The following SEMA4C variants were observed in gnomAD, a reference collection of about 807,000 sequenced individuals.
SEMA4C encodes the protein semaphorin-4C.
Under a neutral mutation model 89.0 loss-of-function variants are expected in SEMA4C, and 19 were observed. The ratio of observed to expected loss-of-function variants is 0.21; its 90% CI spans 0.15 to 0.31. SEMA4C has a LOEUF of 0.31. Ranked by LOEUF, SEMA4C falls within the 10% of genes least tolerant of loss-of-function variation. The pLI, the probability that SEMA4C is intolerant of heterozygous loss-of-function variation, is 1.00. For missense variants in SEMA4C, 811 were observed against 1,107.0 expected (o/e 0.73, Z 3.79); for synonymous variants, 428 against 472.7 (o/e 0.91, Z 1.23).
chr2:96,870,577 T>C (rs908402761), upstream of SEMA4C: 1 of 985,378 alleles, frequency 1.0e-6, no homozygotes, highest in African/African-American at 1.7e-5. Flanking sequence ...TGCCTCTTTC[T>C]AGGCCCCGAG....
Position 96,860,350 on chromosome 2 carries a change from A to G in SEMA4C, c.*276T>C, listed in dbSNP as rs572764347. 2.2e-5 allele frequency: 11 copies of G among 494,976 alleles called. No homozygotes were observed. Among genetic ancestry groups the G allele is most frequent in the African/African-American group, 1.7e-4 (9 of 51,954 alleles). 30.7% of individuals were successfully genotyped at this position (494,976 alleles called of 1,614,324 possible). A position where few individuals can be genotyped will look rare whatever the true frequency, so the allele number is the denominator to read the frequency against. On this transcript the variant is annotated 3_prime_UTR_variant, in exon 15 of 15. Coordinates refer to ENST00000305476, the MANE Select transcript of SEMA4C (RefSeq NM_017789.5). ...AATACAGACAAACACACATCTTGAA[A>G]CTTCTGCCTTGAAAAGTTTTGGCGG...
rs757029766 is a variant in SEMA4C, at chr2:96,860,599, T to C, written c.*27A>G. 16 of 1,563,210 alleles carry C rather than the reference T, an allele frequency of 1.0e-5. No individual in the cohort carries two copies. The Admixed American group carries it at 2.9e-4, about 29-fold the overall frequency. ...AAAGTAGGAGCTACACCTCCCACGC[T>C]TCCCGCCGACGCGGTGGGGGTTCCC... is the stretch of plus-strand genomic sequence containing the variant. On this transcript the variant is annotated 3_prime_UTR_variant, in exon 15 of 15. Transcript: ENST00000305476.
In SEMA4C at chr2:96,860,319, T is replaced by G; in HGVS notation, c.*307A>C. On this transcript the variant is annotated 3_prime_UTR_variant, in exon 15 of 15. Transcript: ENST00000305476. ...ACACATACACACACACACAAACACATGTGCAAATACAGACAAACACACATC... is the reference window on the plus strand; with the variant it reads ...ACACATACACACACACACAAACACAGGTGCAAATACAGACAAACACACATC... 1 of 427,692 alleles carries G rather than the reference T, an allele frequency of 2.3e-6. No individual in the cohort carries two copies. 26.5% of individuals were successfully genotyped at this position (427,692 alleles called of 1,614,324 possible).
chr2:96,861,996 G>C lies in SEMA4C; in HGVS notation c.1444-102C>G, dbSNP rs1317277102. 7.8e-7 allele frequency: 1 copy of C among 1,289,854 alleles called. No individual in the cohort carries two copies. Among genetic ancestry groups the C allele is most frequent in the African/African-American group, 1.5e-5 (1 of 68,118 alleles). The allele number at this position is 1,289,854 out of a possible 1,614,324, so 79.9% of individuals were successfully genotyped here. Reference sequence around the variant, plus strand: ...CATGGGGACAGCTTGGACTCCTGCAGGGGGCACAGCACGGGGCGCCAGAAG... The same window carrying C: ...CATGGGGACAGCTTGGACTCCTGCACGGGGCACAGCACGGGGCGCCAGAAG... On this transcript the variant is annotated intron_variant, in intron 12 of 14. Coordinates refer to ENST00000305476, the MANE Select transcript of SEMA4C (RefSeq NM_017789.5). The surrounding 1 kb of genome is among the most constrained non-coding windows in gnomAD (Gnocchi z 7.8).
intron 2 of SEMA4C, 59 bp from the exon 3 acceptor site, chr2:96,866,490 T>A (rs1234338889): frequency 1.2e-6 from 2 of 1,611,070 alleles, no homozygotes; most frequent in Non-Finnish European, 1.7e-6. Flanking sequence ...CAGCCCTCAG[T>A]CTTGCTCCAC....
chr2:96,861,361 G>A lies in SEMA4C; in HGVS notation c.1767C>T (p.Thr589=). The change falls in exon 15 of 15, where the codon ACC becomes ACT. Residue 589 remains threonine (T), a synonymous_variant. Coordinates refer to ENST00000305476, the MANE Select transcript of SEMA4C (RefSeq NM_017789.5). This position sits in a 1 kb window ranked among gnomAD's most constrained non-coding sequence, Gnocchi z 7.8. ...LSSNLAHARW[T]FGGRDLPAEQ... ...CCGCAGGCAGGTCCCGGCCCCCAAA[G>A]GTCCAGCGGGCATGGGCCAAGTTGG... is the stretch of plus-strand genomic sequence containing the variant. The A allele has an allele frequency of 6.2e-7, 1 of 1,608,254 alleles. No individual in the cohort carries two copies. Among genetic ancestry groups the A allele is most frequent in the Non-Finnish European group, 8.5e-7 (1 of 1,179,996 alleles).
At position 96,861,550 on chromosome 2, in the gene SEMA4C, C is replaced by T. The variant is rs1292227860; in HGVS notation, c.1672+29G>A. The T allele has an allele frequency of 1.9e-6, 3 of 1,602,014 alleles. No homozygotes were observed. The highest frequency in any genetic ancestry group is 1.7e-4 in the Middle Eastern group (1 of 6,048). ...ACTCCAGCTCTGGTCCAGGGCTCAGCCCGATGCGACGGGAATGAAAAAGCT... is the reference window on the plus strand; with the variant it reads ...ACTCCAGCTCTGGTCCAGGGCTCAGTCCGATGCGACGGGAATGAAAAAGCT... On this transcript the variant is annotated intron_variant, in intron 14 of 14. Coordinates refer to ENST00000305476, the MANE Select transcript of SEMA4C (RefSeq NM_017789.5). This position sits in a 1 kb window ranked among gnomAD's most constrained non-coding sequence, Gnocchi z 7.8.
Position 96,864,920 on chromosome 2 carries a change from G to A in SEMA4C, c.787-40C>T. 1 of 1,610,446 alleles carries A rather than the reference G, an allele frequency of 6.2e-7. No individual in the cohort carries two copies. Among genetic ancestry groups the A allele is most frequent in the Non-Finnish European group, 8.5e-7 (1 of 1,178,620 alleles). ...GGGGACACTGCCGGTCAGCCCCGCT[G>A]GGCCAGCAGGGCTCCCAGGGCCCAC... On this transcript the variant is annotated intron_variant, in intron 8 of 14. Transcript: ENST00000305476. The surrounding 1 kb of genome is among the most constrained non-coding windows in gnomAD (Gnocchi z 6.3).
intron 3 of SEMA4C, 89 bp from the exon 4 acceptor site, chr2:96,866,018 G>GT: frequency 1.5e-6 from 2 of 1,359,962 alleles, no homozygotes; most frequent in Non-Finnish European, 2.1e-6. Context: ...ACACAGGGAC[G>GT]CCCAGTGCAG....
At position 96,861,862 on chromosome 2, in the gene SEMA4C, C is replaced by T. The variant is rs2079953034; in HGVS notation, c.1476G>A (p.Leu492=). The T allele has an allele frequency of 6.2e-7, 1 of 1,612,232 alleles. No individual in the cohort carries two copies. The highest frequency in any genetic ancestry group is 8.5e-7 in the Non-Finnish European group (1 of 1,179,732). The change falls in exon 13 of 15, where the codon CTG becomes CTA. Residue 492 remains leucine, a synonymous_variant. Coordinates refer to ENST00000305476, the MANE Select transcript of SEMA4C (RefSeq NM_017789.5). The surrounding 1 kb of genome is among the most constrained non-coding windows in gnomAD (Gnocchi z 7.8). The stretch of plus-strand genomic sequence containing the variant: ...TGCAGTCGGCCACGGGCAGCTGCAC[C>T]AGCTGAGAGCGGGAGCCGGCAAAGA... The part of the protein sequence containing the change: ...KLLFAGSRSQ[L]VQLPVADCMK...
intron 12 of SEMA4C, 119 bp from the exon 13 acceptor site, chr2:96,862,013 C>T (rs1246517934): frequency 1.4e-5 from 15 of 1,109,776 alleles, no homozygotes; most frequent in African/African-American, 9.4e-5. Context: ...CAGCACGGGG[C>T]GCCAGAAGGA....
chr2:96,864,156 C>T lies in SEMA4C; in HGVS notation c.1108-8G>A. The T allele has an allele frequency of 6.2e-7, 1 of 1,611,864 alleles. No homozygotes were observed. Among genetic ancestry groups the T allele is most frequent in the Non-Finnish European group, 8.5e-7 (1 of 1,179,708 alleles). On this transcript the variant is annotated splice_polypyrimidine_tract_variant and splice_region_variant and intron_variant, in intron 10 of 14. Coordinates refer to ENST00000305476, the MANE Select transcript of SEMA4C (RefSeq NM_017789.5). The surrounding 1 kb of genome is among the most constrained non-coding windows in gnomAD (Gnocchi z 6.3). ...ATGCCAGTTGTTAATGCACTGGGGGCAGGGTGTGGGGGGCAGGCCATCAGC... is the reference window on the plus strand; with the variant it reads ...ATGCCAGTTGTTAATGCACTGGGGGTAGGGTGTGGGGGGCAGGCCATCAGC...
rs549543601 is a variant in SEMA4C, at chr2:96,861,786, C to A, written c.1552G>T (p.Ala518Ser). The change falls in exon 13 of 15, where the codon GCC (alanine) becomes TCC (serine). Residue 518 changes from alanine to serine, a missense_variant. Around this residue, in one of 4 missense-constraint regions of SEMA4C, gnomAD observed 441 missense variants for 664.9 expected, o/e 0.66. Coordinates refer to ENST00000305476, the MANE Select transcript of SEMA4C (RefSeq NM_017789.5). The surrounding 1 kb of genome is among the most constrained non-coding windows in gnomAD (Gnocchi z 7.8). ...DCVLARDPYC[A>S]WSVNTSRCVA... ...CAGCGGCTGGTGTTGACGCTCCAGG[C>A]GCAATAGGGGTCCCGGGCGAGGACA... 2 of 1,613,256 alleles carry A rather than the reference C, an allele frequency of 1.2e-6. No homozygotes were observed. Among genetic ancestry groups the A allele is most frequent in the Non-Finnish European group, 1.7e-6 (2 of 1,180,022 alleles).
At chr2:96,869,261 C>A (rs946873439) in intron 1 of SEMA4C, 22 of 985,264 alleles carry the variant, frequency 2.2e-5, no homozygotes, top group South Asian at 4.7e-5. Flanking sequence ...GCAGCTCCCC[C>A]CAGGGCGAGG....
chr2:96,869,416 G>C (rs1318223360), intron 1 of SEMA4C: 4 of 985,138 alleles, frequency 4.1e-6, no homozygotes, highest in South Asian at 9.4e-5. Context: ...GGCGCGGCCC[G>C]GCTCGGCCCG....
In SEMA4C at chr2:96,863,694, T is replaced by C. The variant is rs1378332096; in HGVS notation, c.1431A>G (p.Leu477=). ...CCCAACTTACTACCTTGCTCTGAGA[T>C]AGCACCAGGCTTCTCATGGGCTCCT... ...FDQEPMRSLV[L]SQSKKLLFAG... is the part of the protein sequence containing the mutation. Residue 477 remains leucine, a synonymous_variant, in exon 12 of 15, where the codon CTA becomes CTG. Transcript: ENST00000305476. The C allele has an allele frequency of 6.2e-7, 1 of 1,613,870 alleles. No individual in the cohort carries two copies. Among genetic ancestry groups the C allele is most frequent in the Non-Finnish European group, 8.5e-7 (1 of 1,179,816 alleles).
chr2:96,870,511 G>C (rs1354977874), upstream of SEMA4C: 2 of 979,722 alleles, frequency 2.0e-6, no homozygotes, highest in Non-Finnish European at 2.4e-6. Context: ...CACGCTGGGG[G>C]AACCGAGGCG....
chr2:96,861,775 G>C lies in SEMA4C; in HGVS notation c.1563C>G (p.Val521=), dbSNP rs150780175. Residue 521 remains valine, a synonymous_variant, in exon 13 of 15, where the codon GTC becomes GTG. Transcript: ENST00000305476. The surrounding 1 kb of genome is among the most constrained non-coding windows in gnomAD (Gnocchi z 7.8). ...CCACGGCCACACAGCGGCTGGTGTT[G>C]ACGCTCCAGGCGCAATAGGGGTCCC... ...LARDPYCAWS[V]NTSRCVAVGG... 2 of 1,613,342 alleles carry C rather than the reference G, an allele frequency of 1.2e-6. No homozygotes were observed. Among genetic ancestry groups the C allele is most frequent in the Non-Finnish European group, 1.7e-6 (2 of 1,180,014 alleles).
intron 2 of SEMA4C, among the ~76,000 whole-genome samples, chr2:96,867,094 G>A (rs578090625): frequency 6.6e-6 from 1 of 152,280 alleles, no homozygotes; most frequent in South Asian, 2.1e-4. Flanking sequence ...ATACAGTCAC[G>A]TGATTCCTAC....
Sources: allele counts gnomAD v4.1 joint callset (sites outside exome capture counted in the v4.1 genomes callset), GRCh38; gene constraint gnomAD v4.1.1; regional missense constraint gnomAD v4.1.1; non-coding constraint Gnocchi (gnomAD v3.1); transcripts MANE v1.5; gene names NCBI Gene and HGNC (gene_info 2026-07-23, HGNC 2026-07-21).